Variants in TENM3 observed in about 807,000 individuals in gnomAD.
The protein encoded by TENM3 is teneurin transmembrane protein 3, also known as teneurin-3.
Under a neutral mutation model 255.1 loss-of-function variants are expected in TENM3, and 63 were observed. That is an observed-to-expected ratio of 0.25 (90% CI 0.20 to 0.30). TENM3 has a LOEUF of 0.30. Ranked by LOEUF, TENM3 falls within the 10% of genes least tolerant of loss-of-function variation. The pLI, the probability that TENM3 is intolerant of heterozygous loss-of-function variation, is 1.00. For synonymous variants in TENM3, 1,306 were observed against 1,322.3 expected (o/e 0.99, Z 0.27); for missense variants, 2,929 against 3,461.1 (o/e 0.85, Z 3.86).
At chr4:181,988,185 T>C in the TENM3 span, among the ~76,000 whole-genome samples, 1 of 152,104 alleles carries the variant, frequency 6.6e-6, no homozygotes, top group Non-Finnish European at 1.5e-5. Flanking sequence ...TCTTTTTACT[T>C]CTTGAACTTC....
intron 3 of TENM3, among the ~76,000 whole-genome samples, chr4:182,429,086 A>T (rs1005088643): frequency 4.6e-5 from 7 of 152,142 alleles, no homozygotes; most frequent in Non-Finnish European, 8.8e-5. Context: ...TTTGTGGGTG[A>T]TATGTATTTG....
the TENM3 span, among the ~76,000 whole-genome samples, chr4:181,542,976 G>T: frequency 6.6e-6 from 1 of 152,036 alleles, no homozygotes; most frequent in Non-Finnish European, 1.5e-5. Context: ...TATCTTGCTT[G>T]GTCCATCTCT....
the TENM3 span, among the ~76,000 whole-genome samples, chr4:181,745,835 G>A: frequency 6.6e-6 from 1 of 152,212 alleles, no homozygotes; most frequent in Non-Finnish European, 1.5e-5. Flanking sequence ...CAAAAGGACT[G>A]TGGAGGTGAG....
chr4:182,689,924 T>G (rs1756885571), intron 12 of TENM3, among the ~76,000 whole-genome samples: 1 of 152,238 alleles, frequency 6.6e-6, no homozygotes, highest in Non-Finnish European at 1.5e-5. Context: ...CAATTTTTAT[T>G]CTTCCAGTGT....
chr4:181,957,063 G>T, the TENM3 span, among the ~76,000 whole-genome samples: 1 of 152,108 alleles, frequency 6.6e-6, no homozygotes, highest in Non-Finnish European at 1.5e-5. Flanking sequence ...ATTTCAGTTG[G>T]CATTGCTGGA....
chr4:182,304,652 T>A (rs1388011021), intron 1 of TENM3, among the ~76,000 whole-genome samples: 1 of 152,152 alleles, frequency 6.6e-6, no homozygotes, highest in Non-Finnish European at 1.5e-5. Context: ...TCTGTTGGGA[T>A]GACTGTGAAT....
intron 1 of TENM3, among the ~76,000 whole-genome samples, chr4:182,244,390 A>G (rs1757512625): frequency 6.6e-6 from 1 of 152,180 alleles, no homozygotes; most frequent in Non-Finnish European, 1.5e-5. Flanking sequence ...GACTGGTAGA[A>G]TTATTGGAAC....
At chr4:182,111,466 CT>C in the TENM3 span, among the ~76,000 whole-genome samples, 2 of 152,002 alleles carry the variant, frequency 1.3e-5, no homozygotes, top group African/African-American at 2.4e-5. Context: ...TACAGAACAC[CT>C]TTTTAAAGGG....
At chr4:182,725,495 T>C (rs1260539969) in intron 13 of TENM3, among the ~76,000 whole-genome samples, 2 of 152,196 alleles carry the variant, frequency 1.3e-5, no homozygotes, top group Non-Finnish European at 2.9e-5. Context: ...TAGCATAGTA[T>C]AGTCTTTCTT....
the TENM3 span, among the ~76,000 whole-genome samples, chr4:182,001,930 T>G: frequency 6.6e-6 from 1 of 152,116 alleles, no homozygotes; most frequent in African/African-American, 2.4e-5. Flanking sequence ...ATTCCATAGA[T>G]CATTCAGCAT....
At chr4:182,196,220 C>T (rs113080039) in intron 1 of TENM3, among the ~76,000 whole-genome samples, 2 of 152,068 alleles carry the variant, frequency 1.3e-5, no homozygotes, top group Non-Finnish European at 2.9e-5. Flanking sequence ...ACCATTTCCC[C>T]GGAGTCTCTT....
At chr4:182,696,423 A>G (rs963919691) in intron 12 of TENM3, among the ~76,000 whole-genome samples, 1 of 152,180 alleles carries the variant, frequency 6.6e-6, no homozygotes, top group Non-Finnish European at 1.5e-5. Flanking sequence ...CATGGCAAGC[A>G]CTGAATAAAA....
chr4:182,105,110 G>A, the TENM3 span, among the ~76,000 whole-genome samples: 2 of 152,122 alleles, frequency 1.3e-5, no homozygotes, highest in Non-Finnish European at 2.9e-5. Context: ...CTACTCCGGA[G>A]GCTGAAGCGG....
chr4:181,526,983 G>A, the TENM3 span, among the ~76,000 whole-genome samples: 2 of 152,188 alleles, frequency 1.3e-5, no homozygotes, highest in East Asian at 3.9e-4. Context: ...TGATCCTACG[G>A]CCCTTCCCAA....
the TENM3 span, among the ~76,000 whole-genome samples, chr4:182,024,788 A>C: frequency 3.3e-5 from 5 of 151,800 alleles, no homozygotes; most frequent in Admixed American, 6.6e-5. Flanking sequence ...CATTCTTTCG[A>C]ATGATTTTTT....
At chr4:181,995,587 G>C in the TENM3 span, among the ~76,000 whole-genome samples, 1 of 152,092 alleles carries the variant, frequency 6.6e-6, no homozygotes, top group Non-Finnish European at 1.5e-5. Context: ...ATGTTAAATG[G>C]TTGTCCTAAG....
chr4:181,480,904 T>C, the TENM3 span, among the ~76,000 whole-genome samples: 1 of 151,020 alleles, frequency 6.6e-6, no homozygotes, highest in African/African-American at 2.4e-5. Context: ...TTGAAAGGTC[T>C]TGGCAGCATT....
intron 3 of TENM3, among the ~76,000 whole-genome samples, chr4:182,557,559 T>C (rs1742695506): frequency 6.6e-6 from 1 of 152,212 alleles, no homozygotes; most frequent in African/African-American, 2.4e-5. Flanking sequence ...ATCCATGTGC[T>C]AATGGTCTTT....
intron 6 of TENM3, among the ~76,000 whole-genome samples, chr4:182,667,639 C>T (rs747802962): frequency 4.6e-5 from 7 of 152,132 alleles, no homozygotes; most frequent in Non-Finnish European, 7.4e-5. Context: ...ACCTTGACAA[C>T]GGGAATAAAT....
Sources: allele counts gnomAD v4.1 joint callset (sites outside exome capture counted in the v4.1 genomes callset), GRCh38; gene constraint gnomAD v4.1.1; transcripts MANE v1.5; gene names NCBI Gene and HGNC (gene_info 2026-07-23, HGNC 2026-07-21).